Variants in ELP4 observed in about 807,000 individuals in gnomAD.
The protein encoded by ELP4 is elongator complex protein 4.
In ELP4, 51 loss-of-function variants were observed where a neutral mutation model predicts 48.9. The observed-to-expected ratio is 1.04, with a 90% CI of 0.83 to 1.32. ELP4 has a LOEUF of 1.32. ELP4 is among the 40% of genes most tolerant of loss of function. The pLI, the probability that ELP4 is intolerant of heterozygous loss-of-function variation, is 0.00. For synonymous variants in ELP4, 210 were observed against 189.2 expected, an observed-to-expected ratio of 1.11 and a Z score of -0.90; for missense variants, 519 against 514.6, an observed-to-expected ratio of 1.01 and a Z score of -0.08.
At chr11:31,657,688 C>T (rs1945466670) in intron 9 of ELP4, among the ~76,000 whole-genome samples, 1 of 151,802 alleles carries the variant, frequency 6.6e-6, no homozygotes, top group Non-Finnish European at 1.5e-5. Context: ...TGCATACATA[C>T]TATTTCACAT....
intron 9 of ELP4, among the ~76,000 whole-genome samples, chr11:31,669,782 A>G (rs1443963492): frequency 1.3e-5 from 2 of 152,136 alleles, no homozygotes; most frequent in Non-Finnish European, 2.9e-5. Context: ...CGCTCTCTAT[A>G]TGGGTCTAGG....
chr11:31,707,570 A>G (rs1051272365), intron 9 of ELP4, among the ~76,000 whole-genome samples: 1 of 152,066 alleles, frequency 6.6e-6, no homozygotes, highest in Non-Finnish European at 1.5e-5. Context: ...TTTTTTCTTT[A>G]AATTATACAA....
At chr11:31,631,675 G>A (rs1944864526) in intron 6 of ELP4, among the ~76,000 whole-genome samples, 1 of 151,986 alleles carries the variant, frequency 6.6e-6, no homozygotes, top group African/African-American at 2.4e-5. Flanking sequence ...GAAGAGTGTT[G>A]AACTTAAATT....
At chr11:31,724,146 G>C (rs1025404801) in intron 9 of ELP4, among the ~76,000 whole-genome samples, 1 of 152,058 alleles carries the variant, frequency 6.6e-6, no homozygotes, top group Non-Finnish European at 1.5e-5. Context: ...AGTTTGTCCT[G>C]GTCAAGGAAG....
intron 9 of ELP4, among the ~76,000 whole-genome samples, chr11:31,724,804 C>A (rs1246446237): frequency 6.6e-6 from 1 of 152,176 alleles, no homozygotes; most frequent in Admixed American, 6.5e-5. Flanking sequence ...CTTTTCCTGT[C>A]CCTTACATAT....
At chr11:31,649,021 A>G (rs981289384) in intron 8 of ELP4, 5 of 151,752 alleles carry the variant, frequency 3.3e-5, no homozygotes, top group Non-Finnish European at 5.9e-5. Flanking sequence ...AATAGTATGT[A>G]TGAGATAGTC....
chr11:31,759,739 C>T (rs1296951857), intron 9 of ELP4, among the ~76,000 whole-genome samples: 1 of 150,000 alleles, frequency 6.7e-6, no homozygotes, highest in Non-Finnish European at 1.5e-5. Context: ...CGGAGTCTCG[C>T]TCTGTCACCC....
chr11:31,760,281 G>A (rs1014122), intron 9 of ELP4, among the ~76,000 whole-genome samples: 46,113 of 151,942 alleles, frequency 0.3, 7,663 homozygotes, highest in African/African-American at 0.45. Context: ...GTTTCCTAAT[G>A]GCACAACTTT....
intron 9 of ELP4, among the ~76,000 whole-genome samples, chr11:31,670,205 T>G (rs775637102): frequency 1.3e-5 from 2 of 152,150 alleles, no homozygotes; most frequent in Non-Finnish European, 2.9e-5. Context: ...ATGGTAGTGA[T>G]TCAGTATGGA....
In ELP4 at chr11:31,650,147, A is replaced by C. The variant is rs748930541; in HGVS notation, c.1069A>C (p.Asn357His). The C allele has an allele frequency of 5.2e-6, 8 of 1,540,242 alleles. No individual in the cohort carries two copies. The highest frequency in any genetic ancestry group is 1.2e-5 in the South Asian group (1 of 86,218). ...TCATATACGGCAGATTCCTCGGCTTAATAACTTGATCTGTGATGAATCAGA... is the reference window on the plus strand; with the variant it reads ...TCATATACGGCAGATTCCTCGGCTTCATAACTTGATCTGTGATGAATCAGA... ...LIHIRQIPRL[N>H]NLICDESDVK... Residue 357 changes from asparagine to histidine, a missense_variant, in exon 9 of 10, where the codon AAT (asparagine) becomes CAT (histidine). Asn to His is a moderately conservative substitution (Grantham distance 68). Transcript: ENST00000640961.
At chr11:31,763,373 T>A in intron 9 of ELP4, 3 of 1,548,314 alleles carry the variant, frequency 1.9e-6, no homozygotes, top group Non-Finnish European at 2.6e-6. Context: ...TCAAAATTAC[T>A]GTTGACTAAC....
intron 2 of ELP4, among the ~76,000 whole-genome samples, chr11:31,526,308 A>G (rs531360733): frequency 2.0e-5 from 3 of 152,148 alleles, no homozygotes; most frequent in African/African-American, 7.2e-5. Flanking sequence ...TCCACCTTCT[A>G]TATCGTCTCA....
intron 9 of ELP4, among the ~76,000 whole-genome samples, chr11:31,738,810 T>C (rs571548539): frequency 1.1e-4 from 16 of 151,902 alleles, no homozygotes; most frequent in Non-Finnish European, 2.1e-4. Flanking sequence ...CTAAATAAAA[T>C]AAGCCAGTCA....
chr11:31,734,311 G>A (rs1383993161), intron 9 of ELP4, among the ~76,000 whole-genome samples: 3 of 152,198 alleles, frequency 2.0e-5, no homozygotes, highest in Non-Finnish European at 4.4e-5. Flanking sequence ...ACAAGGCAAG[G>A]ATGCCCATTC....
chr11:31,744,771 A>G (rs1337974298), intron 9 of ELP4, among the ~76,000 whole-genome samples: 1 of 151,992 alleles, frequency 6.6e-6, no homozygotes, highest in Non-Finnish European at 1.5e-5. Flanking sequence ...TGACAAACCC[A>G]CAGCCAATAT....
In ELP4 at chr11:31,539,858, T is replaced by G. The variant is rs1265933490; in HGVS notation, c.381+75T>G. On this transcript the variant is annotated intron_variant, in intron 3 of 9. Coordinates refer to ENST00000640961, the MANE Select transcript of ELP4 (RefSeq NM_019040.5). ...ATATTGTTTATATATGTAAACAAGA[T>G]ATATGTTTGTATATATACAAACTAT... 18 of 1,225,604 alleles carry G rather than the reference T, an allele frequency of 1.5e-5. No individual in the cohort carries two copies. In the East Asian group the frequency reaches 4.9e-4, roughly 33 times the overall value. 75.9% of individuals were successfully genotyped at this position (1,225,604 alleles called of 1,614,324 possible).
At chr11:31,581,452 G>T (rs1217511827) in intron 3 of ELP4, among the ~76,000 whole-genome samples, 1 of 150,528 alleles carries the variant, frequency 6.6e-6, no homozygotes, top group Non-Finnish European at 1.5e-5. Context: ...CATTAGTGTT[G>T]CTGAACATAC....
Position 31,785,992 on chromosome 11 carries a change from G to C in ELP4, c.*2468G>C, listed in dbSNP as rs1948590837. On this transcript the variant is annotated 3_prime_UTR_variant, in exon 10 of 10. Coordinates refer to ENST00000640961, the MANE Select transcript of ELP4 (RefSeq NM_019040.5). Reference sequence around the variant, plus strand: ...TATATGGTACTCATTTCTTACACTAGATTTGCCTTTCTTTAACATGAGATA... The same window carrying C: ...TATATGGTACTCATTTCTTACACTACATTTGCCTTTCTTTAACATGAGATA... 1 of 201,170 alleles carries C rather than the reference G, an allele frequency of 5.0e-6. No homozygotes were observed. The highest frequency in any genetic ancestry group is 2.3e-5 in the African/African-American group (1 of 43,570). The allele number at this position is 201,170 out of a possible 1,614,324, so 12.5% of individuals were successfully genotyped here.
chr11:31,661,373 A>G (rs1055060598), intron 9 of ELP4, among the ~76,000 whole-genome samples: 1 of 152,040 alleles, frequency 6.6e-6, no homozygotes, highest in African/African-American at 2.4e-5. Flanking sequence ...ATTTCAAGTA[A>G]TCTTCTCTGC....
Sources: gnomAD v4.1 joint callset for allele counts (sites outside exome capture counted in the v4.1 genomes callset) on GRCh38, gnomAD v4.1.1 for gene constraint, MANE v1.5 for transcripts, NCBI Gene and HGNC (gene_info 2026-07-23, HGNC 2026-07-21) for gene names.